The following RNF38 variants were observed in gnomAD, a reference collection of about 807,000 sequenced individuals.
RNF38 encodes the protein E3 ubiquitin-protein ligase RNF38.
A neutral mutation model predicts 67.2 loss-of-function variants in RNF38; 15 were observed. That is an observed-to-expected ratio of 0.22 (90% CI 0.15 to 0.34). The LOEUF (loss-of-function observed/expected upper bound fraction) is 0.34. Among genes scored for constraint, RNF38 ranks in the 10% least tolerant of loss-of-function variants. The pLI is 1.00. For missense variants in RNF38, 524 were observed against 639.9 expected (o/e 0.82, Z 1.95); for synonymous variants, 220 against 218.8 (o/e 1.01, Z -0.05).
intron 1 of RNF38, among the ~76,000 whole-genome samples, chr9:36,431,501 A>G (rs1429070414): frequency 6.6e-6 from 1 of 152,220 alleles, no homozygotes; most frequent in Non-Finnish European, 1.5e-5. Flanking sequence ...TATGTGGCAC[A>G]AGACTGCACT....
At chr9:36,432,466 C>G (rs542312089) in intron 1 of RNF38, among the ~76,000 whole-genome samples, 2 of 152,140 alleles carry the variant, frequency 1.3e-5, no homozygotes, top group South Asian at 4.2e-4. Context: ...TCATAACTTC[C>G]CATTTTACAA....
At chr9:36,417,461 C>G (rs1051945859) in intron 2 of RNF38, among the ~76,000 whole-genome samples, 4 of 152,112 alleles carry the variant, frequency 2.6e-5, no homozygotes, top group African/African-American at 7.2e-5. Flanking sequence ...GATATTTGAA[C>G]TATTTACCTA....
chr9:36,366,700 G>A lies in RNF38; in HGVS notation c.570+3019C>T, dbSNP rs146294009. Among the ~76,000 whole-genome samples the A allele has an allele frequency of 2.8e-3, 419 of 152,298 alleles. 2 individuals are homozygous for A. Among genetic ancestry groups the A allele is most frequent in the African/African-American group, 8.8e-3 (365 of 41,566 alleles). On this transcript the variant is annotated intron_variant, in intron 4 of 11. Transcript: ENST00000259605. ...AGATGTGGTAATAGTCAGCATCCTG[G>A]TTTATTCCAGGTAGCAGGAAAGTGT...
chr9:36,346,222 T>C (rs1404554858), intron 9 of RNF38, among the ~76,000 whole-genome samples: 2 of 152,328 alleles, frequency 1.3e-5, no homozygotes, highest in East Asian at 3.9e-4. Flanking sequence ...GCCCTTTTTT[T>C]TGAGTCAGAG....
chr9:36,440,599 G>A (rs1839171012), intron 1 of RNF38, among the ~76,000 whole-genome samples: 1 of 151,636 alleles, frequency 6.6e-6, no homozygotes, highest in South Asian at 2.1e-4. Context: ...AAAATATACT[G>A]TTAAGTGGAA....
At chr9:36,357,974 A>G in intron 4 of RNF38, 32 bp from the exon 5 acceptor site, 1 of 1,584,132 alleles carries the variant, frequency 6.3e-7, no homozygotes, top group Non-Finnish European at 8.6e-7. Flanking sequence ...AACAAACTTT[A>G]GCTGTTTAGA....
At chr9:36,442,079 G>T (rs1042070646) in intron 1 of RNF38, among the ~76,000 whole-genome samples, 1 of 152,068 alleles carries the variant, frequency 6.6e-6, no homozygotes, top group East Asian at 1.9e-4. Flanking sequence ...AAGGGGGGGA[G>T]GGGGAGAGTC....
At chr9:36,353,977 A>C (rs1833894284) in intron 6 of RNF38, among the ~76,000 whole-genome samples, 1 of 152,184 alleles carries the variant, frequency 6.6e-6, no homozygotes, top group Non-Finnish European at 1.5e-5. Context: ...TCTCAAACAA[A>C]AACAAAAACA....
intron 3 of RNF38, 58 bp downstream of exon 3, chr9:36,375,876 T>G (rs752409458): frequency 1.7e-5 from 25 of 1,485,032 alleles, no homozygotes; most frequent in Non-Finnish European, 2.0e-5. Flanking sequence ...TGATGTTAAA[T>G]ATACTCACAA....
chr9:36,401,054 G>C, upstream of RNF38: 3 of 984,590 alleles, frequency 3.0e-6, no homozygotes, highest in Non-Finnish European at 3.6e-6. Flanking sequence ...CCACTTCTTG[G>C]GTCCGGGTCG....
At chr9:36,389,612 G>A (rs1836914834) in intron 2 of RNF38, among the ~76,000 whole-genome samples, 1 of 152,178 alleles carries the variant, frequency 6.6e-6, no homozygotes, top group South Asian at 2.1e-4. Context: ...CAAATTCCAA[G>A]AAGGAATACC....
intron 9 of RNF38, 144 bp downstream of exon 9, chr9:36,350,971 T>C (rs1020391506): frequency 3.1e-6 from 2 of 649,956 alleles, no homozygotes; most frequent in Non-Finnish European, 5.4e-6. Flanking sequence ...TAGTGTATCT[T>C]ATGTGTGGCC....
At chr9:36,366,242 G>T (rs1313674802) in intron 4 of RNF38, among the ~76,000 whole-genome samples, 2 of 151,922 alleles carry the variant, frequency 1.3e-5, no homozygotes, top group African/African-American at 4.8e-5. Flanking sequence ...AGCCACAACA[G>T]CATTATTATA....
At position 36,369,753 on chromosome 9, in the gene RNF38, T is replaced by G; in HGVS notation, c.536A>C (p.Gln179Pro). 1.2e-6 allele frequency: 2 copies of G among 1,613,936 alleles called. No individual in the cohort carries two copies. The highest frequency in any genetic ancestry group is 1.7e-6 in the Non-Finnish European group (2 of 1,179,972). Reference protein sequence around the residue: ...RLLHPAAHPPQQNAVMVDIHD... With the variant: ...RLLHPAAHPPPQNAVMVDIHD... ...TATGTCAACCATGACTGCATTCTGC[T>G]GGGGTGGATGAGCAGCAGGATGTAG... The change falls in exon 4 of 12, where the codon CAG (glutamine) becomes CCG (proline). Residue 179 changes from glutamine (Q) to proline (P), a missense_variant. Transcript: ENST00000259605.
chr9:36,420,950 G>A (rs1471077549), intron 2 of RNF38, among the ~76,000 whole-genome samples: 1 of 152,158 alleles, frequency 6.6e-6, no homozygotes, highest in African/African-American at 2.4e-5. Flanking sequence ...CATATCAGGA[G>A]AGAAACTTTA....
At chr9:36,394,608 C>T (rs1290774609) in intron 1 of RNF38, among the ~76,000 whole-genome samples, 1 of 152,192 alleles carries the variant, frequency 6.6e-6, no homozygotes, top group Non-Finnish European at 1.5e-5. Flanking sequence ...ATGCCAGAAA[C>T]TGAACTGGGC....
intron 1 of RNF38, among the ~76,000 whole-genome samples, chr9:36,485,037 C>T (rs1368327512): frequency 1.3e-5 from 2 of 152,056 alleles, no homozygotes; most frequent in Admixed American, 6.6e-5. Flanking sequence ...GGCATGGTGG[C>T]GGGCGCCTGT....
At chr9:36,439,564 G>C (rs1403420207) in intron 1 of RNF38, among the ~76,000 whole-genome samples, 1 of 152,088 alleles carries the variant, frequency 6.6e-6, no homozygotes, top group Non-Finnish European at 1.5e-5. Flanking sequence ...CAGCACTTCG[G>C]GAGGCTGAGG....
chr9:36,375,336 G>A (rs1249301590), intron 3 of RNF38, among the ~76,000 whole-genome samples: 1 of 152,100 alleles, frequency 6.6e-6, no homozygotes, highest in Non-Finnish European at 1.5e-5. Context: ...GACTACAGAT[G>A]TGCGCCAACA....
Sources: gnomAD v4.1 joint callset for allele counts (sites outside exome capture counted in the v4.1 genomes callset) on GRCh38, gnomAD v4.1.1 for gene constraint, MANE v1.5 for transcripts, NCBI Gene and HGNC (gene_info 2026-07-23, HGNC 2026-07-21) for gene names.